ST8SIA6: variants seen among roughly 807,000 people sequenced by gnomAD.
ST8SIA6 encodes the protein ST8 alpha-N-acetyl-neuraminide alpha-2,8-sialyltransferase 6.
In ST8SIA6, 39 loss-of-function variants were observed where a neutral mutation model predicts 33.6. That is an observed-to-expected ratio of 1.16 (90% CI 0.90 to 1.52). ST8SIA6 has a LOEUF of 1.52. Ranked by LOEUF, ST8SIA6 falls within the 40% of genes most tolerant of loss-of-function variation. The pLI is 0.00. For synonymous variants in ST8SIA6, 172 were observed against 167.2 expected (o/e 1.03, Z -0.22); for missense variants, 441 against 443.8 (o/e 0.99, Z 0.06).
At chr10:17,344,024 A>C (rs1467630011) in intron 4 of ST8SIA6, among the ~76,000 whole-genome samples, 1 of 152,190 alleles carries the variant, frequency 6.6e-6, no homozygotes, top group East Asian at 1.9e-4. Flanking sequence ...GCTGGGTCAG[A>C]GCGGTGAAGT....
At chr10:17,451,490 C>T (rs969459018) in intron 2 of ST8SIA6, among the ~76,000 whole-genome samples, 3 of 152,144 alleles carry the variant, frequency 2.0e-5, no homozygotes, top group Middle Eastern at 3.2e-3. Flanking sequence ...ATTTGGGTGA[C>T]GGTTGCACTA....
intron 3 of ST8SIA6, among the ~76,000 whole-genome samples, chr10:17,385,459 G>A (rs1850300965): frequency 6.6e-6 from 1 of 151,760 alleles, no homozygotes; most frequent in African/African-American, 2.4e-5. Flanking sequence ...GGTGCAGGCG[G>A]AGTGAGTCGG....
At chr10:17,453,477 G>A (rs1852996186) in intron 2 of ST8SIA6, 82 bp downstream of exon 2, 1 of 1,096,688 alleles carries the variant, frequency 9.1e-7, no homozygotes, top group Non-Finnish European at 1.2e-6. Flanking sequence ...TACTCCCAAC[G>A]AGTCCAAGCC....
chr10:17,376,903 T>C (rs543671443), intron 3 of ST8SIA6, among the ~76,000 whole-genome samples: 2 of 152,010 alleles, frequency 1.3e-5, no homozygotes, highest in African/African-American at 4.8e-5. Context: ...TTAAAATAGG[T>C]TTCAAAAAAG....
intron 4 of ST8SIA6, among the ~76,000 whole-genome samples, chr10:17,336,417 T>G (rs983795557): frequency 3.3e-5 from 5 of 152,104 alleles, no homozygotes; most frequent in Non-Finnish European, 7.3e-5. Context: ...TAATCCAATT[T>G]TATAGTTGTA....
chr10:17,323,180 T>G (rs1174044298), intron 6 of ST8SIA6, 23 bp from the exon 7 acceptor site: 1 of 1,599,870 alleles, frequency 6.3e-7, no homozygotes, highest in Admixed American at 1.7e-5. Flanking sequence ...AAGAAAATCA[T>G]TTTCAAAATA....
At chr10:17,329,632 A>G (rs1007885484) in intron 5 of ST8SIA6, among the ~76,000 whole-genome samples, 2 of 152,236 alleles carry the variant, frequency 1.3e-5, no homozygotes, top group African/African-American at 4.8e-5. Flanking sequence ...ATTATGGTAT[A>G]AAATAGAAAA....
Position 17,390,518 on chromosome 10 carries a change from G to A in ST8SIA6, c.290+13C>T, listed in dbSNP as rs1188011766. ...GTTGTAAAAGGAAATTAAATGTGAA[G>A]AGTAGAACTTACCCTTTCGTTTTGT... is the stretch of plus-strand genomic sequence containing the variant. On this transcript the variant is annotated intron_variant, in intron 3 of 7. Coordinates refer to ENST00000377602, the MANE Select transcript of ST8SIA6 (RefSeq NM_001004470.3). The A allele has an allele frequency of 1.3e-6, 2 of 1,595,368 alleles. No homozygotes were observed. The highest frequency in any genetic ancestry group is 1.7e-6 in the Non-Finnish European group (2 of 1,165,956).
intron 4 of ST8SIA6, among the ~76,000 whole-genome samples, chr10:17,355,247 C>T (rs2131612734): frequency 6.6e-6 from 1 of 152,320 alleles, no homozygotes; most frequent in African/African-American, 2.4e-5. Flanking sequence ...AGCTCAAACA[C>T]ATCCTGTCCA....
intron 2 of ST8SIA6, 47 bp downstream of exon 2, chr10:17,453,512 C>A: frequency 8.0e-7 from 1 of 1,256,726 alleles, no homozygotes. Context: ...CCATGCCCGG[C>A]TCGCAGCTCC....
chr10:17,338,195 T>C (rs1848567597), intron 4 of ST8SIA6, among the ~76,000 whole-genome samples: 1 of 152,124 alleles, frequency 6.6e-6, no homozygotes, highest in African/African-American at 2.4e-5. Flanking sequence ...CCACCACATC[T>C]GACTAATTTT....
At chr10:17,353,265 CTT>C (rs1394741634) in intron 4 of ST8SIA6, among the ~76,000 whole-genome samples, 2 of 152,128 alleles carry the variant, frequency 1.3e-5, no homozygotes, top group East Asian at 3.8e-4. Flanking sequence ...AAAGTGAAAA[CTT>C]TGTGGTAAAA....
chr10:17,345,397 A>G (rs1848802781), intron 4 of ST8SIA6, among the ~76,000 whole-genome samples: 1 of 152,236 alleles, frequency 6.6e-6, no homozygotes, highest in Non-Finnish European at 1.5e-5. Flanking sequence ...GCATGGCGTC[A>G]AGAGCACGTT....
rs1310038925 is a variant in ST8SIA6, at chr10:17,454,178, C to G, written c.78G>C (p.Pro26=). 3 of 281,832 alleles carry G rather than the reference C, an allele frequency of 1.1e-5. No homozygotes were observed. Among genetic ancestry groups the G allele is most frequent in the East Asian group, 1.3e-4 (2 of 14,828 alleles). 17.5% of individuals were successfully genotyped at this position (281,832 alleles called of 1,614,324 possible). ...ACCTGGCGCGGCCGGGCGCGTCTGC[C>G]GGGCACCAGAGCAGGCGCAGCAGCA... ...LLLLLRLLWC[P]ADAPGRARIL... The change falls in exon 1 of 8, where the codon CCG becomes CCC. Residue 26 remains proline (P), a synonymous_variant. Transcript: ENST00000377602. The surrounding 1 kb of genome is among the most constrained non-coding windows in gnomAD (Gnocchi z 4.1).
At chr10:17,350,012 G>A (rs1428337982) in intron 4 of ST8SIA6, among the ~76,000 whole-genome samples, 1 of 152,130 alleles carries the variant, frequency 6.6e-6, no homozygotes, top group Non-Finnish European at 1.5e-5. Flanking sequence ...TGAATTTCAG[G>A]ATAATACATC....
intron 2 of ST8SIA6, among the ~76,000 whole-genome samples, chr10:17,412,855 TAAAGA>T (rs1294370547): frequency 6.6e-6 from 1 of 152,178 alleles, no homozygotes; most frequent in African/African-American, 2.4e-5. Context: ...GTTTTTAGCA[TAAAGA>T]AAAGACAAAT....
chr10:17,415,956 C>T (rs113879107), intron 2 of ST8SIA6, among the ~76,000 whole-genome samples: 4,917 of 151,596 alleles, frequency 0.032, 81 homozygotes, highest in South Asian at 0.055. Context: ...ATTACAGGTG[C>T]GCCACCGTGC....
chr10:17,453,278 A>T (rs1852983780), intron 2 of ST8SIA6, among the ~76,000 whole-genome samples: 1 of 151,614 alleles, frequency 6.6e-6, no homozygotes, highest in African/African-American at 2.4e-5. Flanking sequence ...CTTTCAACAC[A>T]CCATTGTCGA....
chr10:17,446,681 A>C (rs1852718693), intron 2 of ST8SIA6, among the ~76,000 whole-genome samples: 1 of 152,196 alleles, frequency 6.6e-6, no homozygotes, highest in Admixed American at 6.5e-5. Flanking sequence ...GATGGTGAAG[A>C]AAAGGCAGAA....
Sources: allele counts gnomAD v4.1 joint callset (sites outside exome capture counted in the v4.1 genomes callset), GRCh38; gene constraint gnomAD v4.1.1; non-coding constraint Gnocchi (gnomAD v3.1); transcripts MANE v1.5; gene names NCBI Gene and HGNC (gene_info 2026-07-23, HGNC 2026-07-21).